Variants in PPARGC1A observed in about 807,000 individuals in gnomAD.
The protein encoded by PPARGC1A is peroxisome proliferator-activated receptor gamma coactivator 1-alpha.
Under a neutral mutation model 88.7 loss-of-function variants are expected in PPARGC1A, and 25 were observed. The ratio of observed to expected loss-of-function variants is 0.28; its 90% confidence interval spans 0.21 to 0.39. The LOEUF is 0.39. PPARGC1A is among the 10% of genes least tolerant of loss of function. The probability of loss-of-function intolerance (pLI) is 1.00; values close to 1 mark genes in which losing one functional copy is unlikely to be tolerated. For missense variants in PPARGC1A, 880 were observed against 968.7 expected, an observed-to-expected ratio of 0.91 and a Z score of 1.22; for synonymous variants, 363 against 355.6, an observed-to-expected ratio of 1.02 and a Z score of -0.24.
chr4:23,892,086 T>C (rs1188168285), upstream of PPARGC1A, among the ~76,000 whole-genome samples: 2 of 152,212 alleles, frequency 1.3e-5, no homozygotes, highest in African/African-American at 4.8e-5. Flanking sequence ...TAGATATTCA[T>C]CATATTTTTA....
chr4:24,030,043 G>C, the PPARGC1A span, among the ~76,000 whole-genome samples: 1 of 152,182 alleles, frequency 6.6e-6, no homozygotes, highest in East Asian at 1.9e-4. Context: ...TACAAGTGAA[G>C]TGAAATAGAG....
the PPARGC1A span, among the ~76,000 whole-genome samples, chr4:24,368,978 A>G: frequency 2.0e-5 from 3 of 152,176 alleles, no homozygotes; most frequent in Admixed American, 2.0e-4. Context: ...CAGAGATCCC[A>G]AGGCTCACTC....
At chr4:23,972,079 GAAA>G in the PPARGC1A span, among the ~76,000 whole-genome samples, 2 of 152,140 alleles carry the variant, frequency 1.3e-5, no homozygotes, top group Non-Finnish European at 2.9e-5. Context: ...AAGTAGGATG[GAAA>G]AGAAGAAATT....
chr4:24,339,229 TATATATATAC>T, the PPARGC1A span, among the ~76,000 whole-genome samples: 116 of 100,072 alleles, frequency 1.2e-3, no homozygotes, highest in Middle Eastern at 5.7e-3. Flanking sequence ...TATATATATA[TATATATATAC>T]ACACACACAC....
At chr4:23,856,610 T>C (rs761002196) in intron 2 of PPARGC1A, among the ~76,000 whole-genome samples, 1 of 152,240 alleles carries the variant, frequency 6.6e-6, no homozygotes, top group African/African-American at 2.4e-5. Context: ...CTTTAGCCTC[T>C]GTAGAGAGAA....
the PPARGC1A span, among the ~76,000 whole-genome samples, chr4:24,256,264 G>T: frequency 2.6e-5 from 4 of 152,146 alleles, no homozygotes; most frequent in African/African-American, 7.2e-5. Flanking sequence ...GACATGGAAA[G>T]CACTCTGTTG....
the PPARGC1A span, among the ~76,000 whole-genome samples, chr4:24,321,632 G>C: frequency 1.3e-5 from 2 of 152,210 alleles, no homozygotes; most frequent in Non-Finnish European, 2.9e-5. Flanking sequence ...GGATGGATAA[G>C]GCAATATTTG....
chr4:24,248,006 C>A, the PPARGC1A span, among the ~76,000 whole-genome samples: 1 of 152,180 alleles, frequency 6.6e-6, no homozygotes, highest in Admixed American at 6.5e-5. Flanking sequence ...AGAACCATTC[C>A]ATAAAGGCCA....
the PPARGC1A span, among the ~76,000 whole-genome samples, chr4:24,195,022 T>C: frequency 6.6e-6 from 1 of 152,170 alleles, no homozygotes; most frequent in African/African-American, 2.4e-5. Context: ...CAATCACAGA[T>C]AAAACTTGTG....
chr4:24,077,366 A>G, the PPARGC1A span, among the ~76,000 whole-genome samples: 1 of 152,136 alleles, frequency 6.6e-6, no homozygotes, highest in South Asian at 2.1e-4. Flanking sequence ...GATCAAGTTT[A>G]CATTCATTTT....
upstream of PPARGC1A, among the ~76,000 whole-genome samples, chr4:23,893,892 G>A (rs1057478779): frequency 6.6e-6 from 1 of 152,090 alleles, no homozygotes; most frequent in African/African-American, 2.4e-5. Context: ...CCACGTATGG[G>A]CTAGACATTA....
the PPARGC1A span, among the ~76,000 whole-genome samples, chr4:24,228,387 C>G: frequency 2.0e-5 from 3 of 152,156 alleles, no homozygotes; most frequent in South Asian, 6.2e-4. Flanking sequence ...CAAATTAACA[C>G]AGGAACAGAA....
the PPARGC1A span, among the ~76,000 whole-genome samples, chr4:24,102,449 T>C: frequency 6.6e-6 from 1 of 152,322 alleles, no homozygotes; most frequent in South Asian, 2.1e-4. Flanking sequence ...ACAGAGAAAT[T>C]TGGGGACAAG....
the PPARGC1A span, among the ~76,000 whole-genome samples, chr4:24,367,887 C>CG: frequency 6.6e-6 from 1 of 152,100 alleles, no homozygotes; most frequent in Non-Finnish European, 1.5e-5. Flanking sequence ...CAGGGACAAT[C>CG]GCTGCAATCA....
At chr4:23,863,892 G>A (rs572376906) in intron 2 of PPARGC1A, among the ~76,000 whole-genome samples, 93 of 152,220 alleles carry the variant, frequency 6.1e-4, no homozygotes, top group African/African-American at 2.1e-3. Context: ...GATTATGGGC[G>A]CGTGCCATCA....
At chr4:24,084,135 C>A in the PPARGC1A span, among the ~76,000 whole-genome samples, 1 of 152,170 alleles carries the variant, frequency 6.6e-6, no homozygotes. Context: ...TATCTTTGTA[C>A]CCTCAAGGCT....
chr4:23,852,574 C>T (rs1404836363), intron 2 of PPARGC1A, among the ~76,000 whole-genome samples: 1 of 152,098 alleles, frequency 6.6e-6, no homozygotes, highest in East Asian at 1.9e-4. Flanking sequence ...AATCCACCCT[C>T]CCCCATTTTT....
chr4:23,822,613 T>G (rs537708372), intron 7 of PPARGC1A, among the ~76,000 whole-genome samples: 1 of 152,248 alleles, frequency 6.6e-6, no homozygotes, highest in African/African-American at 2.4e-5. Context: ...CTTCAAACAC[T>G]ACTAAGCGAC....
the PPARGC1A span, among the ~76,000 whole-genome samples, chr4:24,048,616 A>G: frequency 6.6e-6 from 1 of 152,226 alleles, no homozygotes; most frequent in Non-Finnish European, 1.5e-5. Flanking sequence ...CAGTCTTGCC[A>G]ATATTGATGA....
Sources: gnomAD v4.1 joint callset for allele counts (sites outside exome capture counted in the v4.1 genomes callset) on GRCh38, gnomAD v4.1.1 for gene constraint, MANE v1.5 for transcripts, NCBI Gene and HGNC (gene_info 2026-07-23, HGNC 2026-07-21) for gene names.